UBP1: variants seen among roughly 807,000 people sequenced by gnomAD.
The protein encoded by UBP1 is upstream-binding protein 1.
UBP1 carries 22 observed loss-of-function variants against 76.1 expected under a neutral mutation model. The ratio of observed to expected loss-of-function variants is 0.29; its 90% CI spans 0.21 to 0.41. The LOEUF is 0.41. Among genes scored for constraint, UBP1 ranks in the 10% least tolerant of loss-of-function variants. UBP1 has a pLI of 1.00. For synonymous variants in UBP1, 224 were observed against 237.1 expected (o/e 0.94, Z 0.51); for missense variants, 436 against 668.1 (o/e 0.65, Z 3.83).
rs1162667461 is a variant in UBP1 at position 33,389,975 on chromosome 3, G to A, written c.*356C>T. On this transcript the variant is annotated 3_prime_UTR_variant, in exon 16 of 16. Coordinates refer to ENST00000283629, the MANE Select transcript of UBP1 (RefSeq NM_014517.5). ...TGGCACAGAAAGGTAAATGCCCACA[G>A]TAAGTTTCTACATTCATTTCCAAAC... is the stretch of plus-strand genomic sequence containing the variant. 1 of 218,496 alleles carries A rather than the reference G, an allele frequency of 4.6e-6. No homozygotes were observed. The highest frequency in any genetic ancestry group is 9.1e-6 in the Non-Finnish European group (1 of 109,914). 13.5% of individuals were successfully genotyped at this position (218,496 alleles called of 1,614,324 possible).
chr3:33,425,488 C>T, intron 2 of UBP1, 102 bp downstream of exon 2: 2 of 1,210,278 alleles, frequency 1.7e-6, no homozygotes, highest in Non-Finnish European at 1.1e-6. Context: ...AGAAAAAGAA[C>T]CTAATTTTTA....
At chr3:33,400,411 CCCAA>C in intron 10 of UBP1, 129 bp from the exon 11 acceptor site, 2 of 605,490 alleles carry the variant, frequency 3.3e-6, no homozygotes, top group Non-Finnish European at 5.6e-6. Context: ...ACTCCAGCAA[CCCAA>C]ATGATGCAGG....
intron 1 of UBP1, 79 bp downstream of exon 1, chr3:33,439,657 C>G: frequency 6.7e-7 from 1 of 1,484,004 alleles, no homozygotes; most frequent in Non-Finnish European, 9.2e-7. Context: ...TGGGAGCAGC[C>G]GCATCTGGCA....
rs1197016609 is a variant in UBP1, at chr3:33,403,560, G to GTCTATCTATCTA, written c.928-657_928-656insTAGATAGATAGA. On this transcript the variant is annotated intron_variant, in intron 8 of 15. Coordinates refer to ENST00000283629, the MANE Select transcript of UBP1 (RefSeq NM_014517.5). ...ATCTAATCTATCTGTCTGTCTGTCT[G>GTCTATCTATCTA]TCTGTCTGTCTGTCTGTCTGTCTGT... The GTCTATCTATCTA allele has an allele frequency of 6.4e-5, 9 of 139,924 alleles. No homozygotes were observed. The East Asian group carries it at 1.4e-3, about 21-fold the overall frequency. The allele number at this position is 139,924 out of a possible 1,614,324, so 8.7% of individuals were successfully genotyped here.
At chr3:33,413,783 C>T (rs1036195552) in intron 3 of UBP1, among the ~76,000 whole-genome samples, 23 of 152,208 alleles carry the variant, frequency 1.5e-4, no homozygotes, top group Admixed American at 9.8e-4. Flanking sequence ...TACCTGCACC[C>T]ACACCTGCAG....
At chr3:33,414,648 A>G (rs1176549640) in intron 3 of UBP1, among the ~76,000 whole-genome samples, 1 of 152,202 alleles carries the variant, frequency 6.6e-6, no homozygotes, top group Non-Finnish European at 1.5e-5. Flanking sequence ...AGCTAAAAAA[A>G]GGATGTAATT....
At chr3:33,421,843 G>T (rs1002965669) in intron 2 of UBP1, among the ~76,000 whole-genome samples, 1 of 152,082 alleles carries the variant, frequency 6.6e-6, no homozygotes, top group African/African-American at 2.4e-5. Flanking sequence ...GAAGCCAGGA[G>T]TTCGAGCCTG....
Position 33,396,226 on chromosome 3 carries a change from T to C in UBP1, c.1326A>G (p.Thr442=), listed in dbSNP as rs1575451045. Residue 442 remains threonine (T), a synonymous_variant, in exon 13 of 16, where the codon ACA becomes ACG. Transcript: ENST00000283629. ...IYVCREQPSS[T]VLQGQQQAAS... ...CAGCTTGCTGCTGCCCTTGCAGCAC[T>C]GTGCTGCTTGGCTGCTCCCGGCAGA... 10 of 1,594,380 alleles carry C rather than the reference T, an allele frequency of 6.3e-6. No individual in the cohort carries two copies. Among genetic ancestry groups the C allele is most frequent in the Non-Finnish European group, 8.6e-6 (10 of 1,164,126 alleles).
upstream of UBP1, chr3:33,440,731 C>A: frequency 6.6e-6 from 1 of 152,472 alleles, no homozygotes; most frequent in Non-Finnish European, 1.5e-5. Context: ...GACTAAACAA[C>A]CAATCAAAAT....
chr3:33,423,532 T>C (rs921837372), intron 2 of UBP1, among the ~76,000 whole-genome samples: 17 of 152,072 alleles, frequency 1.1e-4, no homozygotes, highest in African/African-American at 2.4e-4. Context: ...TGCCCTTACA[T>C]TGATTATATT....
At chr3:33,436,447 A>G (rs1185510408) in intron 1 of UBP1, among the ~76,000 whole-genome samples, 1 of 152,256 alleles carries the variant, frequency 6.6e-6, no homozygotes, top group Non-Finnish European at 1.5e-5. Context: ...CTCCCATTTC[A>G]AAATACATAA....
intron 1 of UBP1, among the ~76,000 whole-genome samples, chr3:33,435,501 A>G (rs1333476486): frequency 6.6e-6 from 1 of 152,202 alleles, no homozygotes; most frequent in East Asian, 1.9e-4. Flanking sequence ...TTAGCCAGGC[A>G]TGGTGGCACT....
intron 1 of UBP1, among the ~76,000 whole-genome samples, chr3:33,431,359 T>A (rs1032033925): frequency 2.0e-5 from 3 of 152,132 alleles, no homozygotes; most frequent in Non-Finnish European, 2.9e-5. Context: ...AATTCATGGA[T>A]TCAAGAAGCC....
chr3:33,420,381 A>G (rs533352024), intron 2 of UBP1, among the ~76,000 whole-genome samples: 7 of 151,964 alleles, frequency 4.6e-5, no homozygotes, highest in African/African-American at 1.4e-4. Context: ...GCTGGAGTAC[A>G]GTGGTGCAAT....
At chr3:33,400,050 T>C (rs1211035602) in intron 11 of UBP1, 139 bp downstream of exon 11, 5 of 479,626 alleles carry the variant, frequency 1.0e-5, no homozygotes, top group African/African-American at 2.0e-5. Context: ...GGGATAGATA[T>C]AAAGAACTTC....
Position 33,419,390 on chromosome 3 carries a change from G to A in UBP1, c.266-2556C>T, listed in dbSNP as rs183999280. 7.2e-5 allele frequency among the ~76,000 whole-genome samples: 11 copies of A among 152,264 alleles called. No homozygotes were observed. The East Asian group carries it at 2.1e-3, about 29-fold the overall frequency. ...CACAATTGTAATCCTAGCACTTTGG[G>A]AGGCTGAGGTGGGCGGATCACGAGG... On this transcript the variant is annotated intron_variant, in intron 2 of 15. Coordinates refer to ENST00000283629, the MANE Select transcript of UBP1 (RefSeq NM_014517.5).
In UBP1 at chr3:33,396,229, G is replaced by A. The variant is rs755150076; in HGVS notation, c.1323C>T (p.Ser441=). Residue 441 remains serine, a synonymous_variant, in exon 13 of 16, where the codon AGC becomes AGT. Transcript: ENST00000283629. ...TIYVCREQPS[S]TVLQGQQQAA... ...CTTGCTGCTGCCCTTGCAGCACTGT[G>A]CTGCTTGGCTGCTCCCGGCAGACAT... 1.3e-6 allele frequency: 2 copies of A among 1,593,632 alleles called. No homozygotes were observed. The highest frequency in any genetic ancestry group is 2.3e-5 in the East Asian group (1 of 44,348).
chr3:33,408,205 A>G (rs997162143), intron 8 of UBP1, among the ~76,000 whole-genome samples: 1 of 152,202 alleles, frequency 6.6e-6, no homozygotes, highest in African/African-American at 2.4e-5. Context: ...AAAATGTAAC[A>G]AAGAACTGCA....
intron 1 of UBP1, among the ~76,000 whole-genome samples, chr3:33,430,584 T>C (rs2045096210): frequency 6.6e-6 from 1 of 152,216 alleles, no homozygotes; most frequent in African/African-American, 2.4e-5. Context: ...CTGCTGGTAT[T>C]CAGATCTTTT....
Sources: gnomAD v4.1 joint callset for allele counts (sites outside exome capture counted in the v4.1 genomes callset) on GRCh38, gnomAD v4.1.1 for gene constraint, MANE v1.5 for transcripts, NCBI Gene and HGNC (gene_info 2026-07-23, HGNC 2026-07-21) for gene names.